The following ZNF771 variants were observed in gnomAD, a reference collection of about 807,000 sequenced individuals.
ZNF771 encodes the protein zinc finger protein 771.
A neutral mutation model predicts 27.6 loss-of-function variants in ZNF771; 10 were observed. The ratio of observed to expected loss-of-function variants is 0.36; its 90% CI spans 0.22 to 0.61. The LOEUF is 0.61. Ranked by LOEUF, ZNF771 falls within the 20% of genes least tolerant of loss-of-function variation. The pLI, the probability that ZNF771 is intolerant of heterozygous loss-of-function variation, is 0.70. For missense variants in ZNF771, 438 were observed against 503.7 expected (o/e 0.87, Z 1.25); for synonymous variants, 261 against 225.2 (o/e 1.16, Z -1.43).
chr16:30,410,940 A>G (rs1445852309), intron 2 of ZNF771, among the ~76,000 whole-genome samples: 2 of 151,312 alleles, frequency 1.3e-5, no homozygotes, highest in African/African-American at 4.9e-5. Context: ...TGGAGGCTGA[A>G]TGATCCCAGG....
At position 30,417,711 on chromosome 16, in the gene ZNF771, T is replaced by G; in HGVS notation, c.298T>G (p.Phe100Val). 1 of 1,391,852 alleles carries G rather than the reference T, an allele frequency of 7.2e-7. No homozygotes were observed. The highest frequency in any genetic ancestry group is 9.3e-7 in the Non-Finnish European group (1 of 1,076,582). 86.2% of individuals were successfully genotyped at this position (1,391,852 alleles called of 1,614,324 possible). A position where few individuals can be genotyped will look rare whatever the true frequency, so the allele number is the denominator to read the frequency against. Residue 100 changes from phenylalanine (F) to valine (V), a missense_variant, in exon 3 of 3, where the codon TTC (phenylalanine) becomes GTC (valine). Physicochemically the swap from Phe to Val is conservative, Grantham distance 50. Transcript: ENST00000319296. Reference sequence around the variant, plus strand: ...CGGGTGCACCGAGTGCGGGCGGCGCTTCTCACAGAAGTCGGCGCTGACCAA... The same window carrying G: ...CGGGTGCACCGAGTGCGGGCGGCGCGTCTCACAGAAGTCGGCGCTGACCAA... ...PFGCTECGRR[F>V]SQKSALTKHG... is the part of the protein sequence containing the mutation.
chr16:30,414,925 G>A (rs986216461), intron 2 of ZNF771, among the ~76,000 whole-genome samples: 6 of 140,780 alleles, frequency 4.3e-5, no homozygotes, highest in African/African-American at 7.9e-5. Context: ...GATTACAGGC[G>A]TGAGCCACCG....
At chr16:30,408,638 G>A (rs920312480) in intron 2 of ZNF771, among the ~76,000 whole-genome samples, 1 of 152,136 alleles carries the variant, frequency 6.6e-6, no homozygotes, top group African/African-American at 2.4e-5. Context: ...TAAGCACCTC[G>A]ATTCTATGAT....
At chr16:30,415,025 T>G (rs2050126410) in intron 2 of ZNF771, among the ~76,000 whole-genome samples, 1 of 140,216 alleles carries the variant, frequency 7.1e-6, no homozygotes, top group Non-Finnish European at 1.5e-5. Context: ...TGGCATGATC[T>G]CAGCTCACTG....
At position 30,418,134 on chromosome 16, in the gene ZNF771, G is replaced by C; in HGVS notation, c.721G>C (p.Gly241Arg). Residue 241 changes from glycine to arginine, a missense_variant, in exon 3 of 3, where the codon GGC becomes CGC. Physicochemically the swap from Gly to Arg is moderately radical, Grantham distance 125. This residue lies in a region of ZNF771 where 305 missense variants were observed against 308.0 expected (regional missense o/e 0.99). Transcript: ENST00000319296. ...CTGCGCTGTGTGTGGCCGTCGCTTCGGCCACCGCTCCAACCTGGCGGAGCA... is the reference window on the plus strand; with the variant it reads ...CTGCGCTGTGTGTGGCCGTCGCTTCCGCCACCGCTCCAACCTGGCGGAGCA... ...HRCAVCGRRF[G>R]HRSNLAEHAR... 6.8e-7 allele frequency: 1 copy of C among 1,475,900 alleles called. No individual in the cohort carries two copies. Among genetic ancestry groups the C allele is most frequent in the Admixed American group, 2.4e-5 (1 of 41,952 alleles). The allele number at this position is 1,475,900 out of a possible 1,614,324, so 91.4% of individuals were successfully genotyped here.
At chr16:30,409,986 T>A (rs939596731) in intron 2 of ZNF771, among the ~76,000 whole-genome samples, 1 of 152,182 alleles carries the variant, frequency 6.6e-6, no homozygotes, top group Non-Finnish European at 1.5e-5. Flanking sequence ...AGTCAACACA[T>A]GCACAGAGTT....
At chr16:30,407,970 G>T (rs1405525008) in intron 1 of ZNF771, 75 bp from the exon 2 acceptor site, 22 of 1,190,780 alleles carry the variant, frequency 1.8e-5, no homozygotes, top group Non-Finnish European at 2.4e-5. Flanking sequence ...GCCTTGCTGG[G>T]CCAGGGCCAC....
chr16:30,413,561 T>C (rs376761930), intron 2 of ZNF771: 4 of 301,702 alleles, frequency 1.3e-5, no homozygotes, highest in African/African-American at 1.0e-4. Flanking sequence ...TGCTGGGAAA[T>C]TTTGGGTTTT....
At chr16:30,409,028 G>A (rs983498846) in intron 2 of ZNF771, among the ~76,000 whole-genome samples, 1 of 151,944 alleles carries the variant, frequency 6.6e-6, no homozygotes, top group African/African-American at 2.4e-5. Context: ...AGGCTGGAGT[G>A]CAGTGGCGTG....
chr16:30,417,883 C>T lies in ZNF771; in HGVS notation c.470C>T (p.Ala157Val). Residue 157 changes from alanine to valine, a missense_variant, in exon 3 of 3, where the codon GCG becomes GTG. Ala to Val is a moderately conservative substitution (Grantham distance 64). Transcript: ENST00000319296. ...YACAHCGRRF[A>V]QSSNYAQHLR... The stretch of plus-strand genomic sequence containing the variant: ...TGCGCGCACTGCGGCCGCCGCTTCG[C>T]GCAGAGCTCCAACTACGCACAGCAC... 6.6e-7 allele frequency: 1 copy of T among 1,510,218 alleles called. No individual in the cohort carries two copies. Among genetic ancestry groups the T allele is most frequent in the Non-Finnish European group, 8.8e-7 (1 of 1,138,984 alleles). 93.6% of individuals were successfully genotyped at this position (1,510,218 alleles called of 1,614,324 possible).
At chr16:30,417,009 C>T (rs944210920) in intron 2 of ZNF771, among the ~76,000 whole-genome samples, 14 of 152,166 alleles carry the variant, frequency 9.2e-5, no homozygotes, top group Non-Finnish European at 1.5e-4. Context: ...GTGACTCCCC[C>T]CATCATGCAT....
chr16:30,413,466 C>G (rs1473500570), intron 2 of ZNF771: 2 of 254,980 alleles, frequency 7.8e-6, no homozygotes, highest in African/African-American at 4.5e-5. Flanking sequence ...CATGTGATAT[C>G]TTGTTTTTTA....
intron 2 of ZNF771, among the ~76,000 whole-genome samples, chr16:30,411,044 C>T (rs1254427464): frequency 1.3e-5 from 2 of 151,034 alleles, no homozygotes; most frequent in South Asian, 4.2e-4. Flanking sequence ...ACAGGCCAGG[C>T]GTGGTGGCTC....
chr16:30,416,469 ATC>A (rs771796624), intron 2 of ZNF771, among the ~76,000 whole-genome samples: 108 of 152,148 alleles, frequency 7.1e-4, no homozygotes, highest in Middle Eastern at 3.4e-3. Context: ...AGTCATTTTG[ATC>A]TCTTTTTCTT....
intron 2 of ZNF771, 52 bp from the exon 3 acceptor site, chr16:30,417,503 T>C: frequency 8.5e-7 from 1 of 1,169,930 alleles, no homozygotes; most frequent in East Asian, 3.5e-5. Context: ...GACCCAGGTC[T>C]CTGGCTCCGG....
intron 2 of ZNF771, among the ~76,000 whole-genome samples, chr16:30,410,249 C>T (rs776511396): frequency 4.6e-5 from 7 of 151,920 alleles, no homozygotes; most frequent in East Asian, 1.9e-4. Context: ...ATTATAGGTG[C>T]GCACTACCAT....
intron 2 of ZNF771, among the ~76,000 whole-genome samples, chr16:30,411,642 G>C: frequency 6.6e-6 from 1 of 152,154 alleles, no homozygotes; most frequent in Non-Finnish European, 1.5e-5. Flanking sequence ...GCCAGTCTGA[G>C]AAGTGTCATC....
chr16:30,418,554 A>C lies in ZNF771; in HGVS notation c.*187A>C. On this transcript the variant is annotated 3_prime_UTR_variant, in exon 3 of 3. Coordinates refer to ENST00000319296, the MANE Select transcript of ZNF771 (RefSeq NM_001142305.2). ...AACAGTGCCCACCCCACATCACTAC[A>C]TTCCCTCGGCCCGTGTTAGTGAATA... The C allele has an allele frequency of 1.9e-6, 1 of 528,186 alleles. No individual in the cohort carries two copies. The allele number at this position is 528,186 out of a possible 1,614,324, so 32.7% of individuals were successfully genotyped here.
Position 30,418,076 on chromosome 16 carries a change from C to T in ZNF771, c.663C>T (p.His221=), listed in dbSNP as rs1405424569. Residue 221 remains histidine (H), a synonymous_variant, in exon 3 of 3, where the codon CAC becomes CAT. Coordinates refer to ENST00000319296, the MANE Select transcript of ZNF771 (RefSeq NM_001142305.2). ...CTCAGAGCTCGGCGCTGGCCAAGCA[C>T]CGGCGCGTGCACACGGGCGAGAAGC... ...RFAQSSALAK[H]RRVHTGEKPH... is the part of the protein sequence containing the mutation. 2 of 1,477,488 alleles carry T rather than the reference C, an allele frequency of 1.4e-6. No individual in the cohort carries two copies. Among genetic ancestry groups the T allele is most frequent in the Non-Finnish European group, 1.8e-6 (2 of 1,122,016 alleles). 91.5% of individuals were successfully genotyped at this position (1,477,488 alleles called of 1,614,324 possible). A position where few individuals can be genotyped will look rare whatever the true frequency, so the allele number is the denominator to read the frequency against.
Sources: gnomAD v4.1 joint callset for allele counts (sites outside exome capture counted in the v4.1 genomes callset) on GRCh38, gnomAD v4.1.1 for gene constraint, gnomAD v4.1.1 regional missense constraint, MANE v1.5 for transcripts, NCBI Gene and HGNC (gene_info 2026-07-23, HGNC 2026-07-21) for gene names.